PPM1H: variants seen among roughly 807,000 people sequenced by gnomAD.
The protein encoded by PPM1H is protein phosphatase, Mg2+/Mn2+ dependent 1H.
A neutral mutation model predicts 54.9 loss-of-function variants in PPM1H; 27 were observed. The observed-to-expected ratio is 0.49, with a 90% CI of 0.36 to 0.68. PPM1H has a LOEUF of 0.68. Among genes scored for constraint, PPM1H ranks in the 30% least tolerant of loss-of-function variants. The pLI is 0.00. For missense variants in PPM1H, 596 were observed against 667.8 expected, an observed-to-expected ratio of 0.89 and a Z score of 1.19; for synonymous variants, 305 against 270.8, an observed-to-expected ratio of 1.13 and a Z score of -1.24.
chr12:62,804,301 CCA>C (rs564319463), intron 2 of PPM1H, among the ~76,000 whole-genome samples: 157 of 148,304 alleles, frequency 1.1e-3, no homozygotes, highest in African/African-American at 3.6e-3. Flanking sequence ...CTGCAACAGG[CCA>C]AGATCTTGCC....
At chr12:62,746,974 C>T (rs1207171852) in intron 4 of PPM1H, among the ~76,000 whole-genome samples, 2 of 152,152 alleles carry the variant, frequency 1.3e-5, no homozygotes, top group Non-Finnish European at 2.9e-5. Context: ...TTTTTTGAGA[C>T]AGGATCTCGT....
chr12:62,752,491 C>G (rs941391080), intron 4 of PPM1H, among the ~76,000 whole-genome samples: 3 of 152,216 alleles, frequency 2.0e-5, no homozygotes, highest in African/African-American at 7.2e-5. Context: ...ATCCCCCCAA[C>G]ATTCCACAGA....
intron 2 of PPM1H, among the ~76,000 whole-genome samples, chr12:62,817,846 C>A (rs1256732809): frequency 6.6e-6 from 1 of 152,160 alleles, no homozygotes; most frequent in Admixed American, 6.5e-5. Context: ...ACAGTGCTGC[C>A]CCGTCCTCTG....
intron 6 of PPM1H, among the ~76,000 whole-genome samples, chr12:62,702,864 G>A (rs192511905): frequency 6.6e-6 from 1 of 152,248 alleles, no homozygotes; most frequent in East Asian, 1.9e-4. Context: ...GCCCACTGTG[G>A]TATTAAAGCA....
chr12:62,767,640 T>C (rs764486726), intron 4 of PPM1H, among the ~76,000 whole-genome samples: 4 of 152,148 alleles, frequency 2.6e-5, no homozygotes, highest in Non-Finnish European at 4.4e-5. Context: ...GTGAGGATGG[T>C]ATGTGTGGCA....
chr12:62,684,266 G>A (rs1251327994), intron 8 of PPM1H, among the ~76,000 whole-genome samples: 4 of 152,148 alleles, frequency 2.6e-5, no homozygotes, highest in Non-Finnish European at 5.9e-5. Context: ...GACTGGTGGT[G>A]AGGGCCTCTC....
intron 1 of PPM1H, among the ~76,000 whole-genome samples, chr12:62,915,892 G>T (rs758203879): frequency 4.6e-5 from 7 of 152,090 alleles, no homozygotes; most frequent in African/African-American, 1.7e-4. Flanking sequence ...CTTTCAAACC[G>T]TCATGACCTT....
At chr12:62,717,772 T>A (rs974424764) in intron 6 of PPM1H, among the ~76,000 whole-genome samples, 1 of 152,178 alleles carries the variant, frequency 6.6e-6, no homozygotes, top group African/African-American at 2.4e-5. Context: ...AAAGAGAGGT[T>A]TGAGTGGAAC....
chr12:62,904,043 C>T (rs975468617), intron 1 of PPM1H, among the ~76,000 whole-genome samples: 6 of 151,994 alleles, frequency 3.9e-5, no homozygotes, highest in African/African-American at 9.7e-5. Context: ...AATACGAAGT[C>T]GAAATGGTTA....
At chr12:62,696,504 C>T (rs2076115561) in intron 6 of PPM1H, among the ~76,000 whole-genome samples, 1 of 152,204 alleles carries the variant, frequency 6.6e-6, no homozygotes, top group Non-Finnish European at 1.5e-5. Flanking sequence ...CCCCCTCCAT[C>T]TTTCTGAATC....
intron 8 of PPM1H, among the ~76,000 whole-genome samples, chr12:62,681,069 G>C (rs1377009656): frequency 6.6e-6 from 1 of 152,122 alleles, no homozygotes; most frequent in East Asian, 1.9e-4. Flanking sequence ...CTAGAGGAGA[G>C]GAATGAGAAC....
intron 1 of PPM1H, among the ~76,000 whole-genome samples, chr12:62,895,352 C>G (rs1870948447): frequency 6.6e-6 from 1 of 152,090 alleles, no homozygotes; most frequent in Non-Finnish European, 1.5e-5. Flanking sequence ...AAAGATGACC[C>G]TAAATGGACA....
chr12:62,850,340 A>G (rs754038228), intron 1 of PPM1H, among the ~76,000 whole-genome samples: 9 of 152,124 alleles, frequency 5.9e-5, no homozygotes, highest in Non-Finnish European at 1.2e-4. Flanking sequence ...GTAGTTAAAG[A>G]TTTACTGATA....
intron 3 of PPM1H, among the ~76,000 whole-genome samples, chr12:62,790,144 G>A (rs533313803): frequency 1.3e-5 from 2 of 152,338 alleles, no homozygotes; most frequent in South Asian, 4.1e-4. Context: ...CATGGAAAAG[G>A]GGGAGAGAAG....
intron 1 of PPM1H, among the ~76,000 whole-genome samples, chr12:62,888,655 C>T (rs969335133): frequency 3.3e-5 from 5 of 152,172 alleles, no homozygotes; most frequent in South Asian, 2.1e-4. Flanking sequence ...TTTTGTAACA[C>T]GGAAGTCACT....
chr12:62,712,948 C>T (rs2076215257), intron 6 of PPM1H, among the ~76,000 whole-genome samples: 1 of 152,182 alleles, frequency 6.6e-6, no homozygotes, highest in Non-Finnish European at 1.5e-5. Context: ...CTGGAGTTGG[C>T]TTCATAAGCA....
intron 8 of PPM1H, among the ~76,000 whole-genome samples, chr12:62,676,814 T>C (rs1295489023): frequency 6.6e-6 from 1 of 151,830 alleles, no homozygotes; most frequent in East Asian, 1.9e-4. Flanking sequence ...GTGGATGACA[T>C]GTCGATGGCA....
chr12:62,670,018 C>A (rs551108916), intron 8 of PPM1H, among the ~76,000 whole-genome samples: 2 of 84,864 alleles, frequency 2.4e-5, no homozygotes, highest in South Asian at 9.0e-4. Flanking sequence ...GCTCTTGTTG[C>A]CCAGGCTGGA....
At chr12:62,652,945 GTCTTTGGATT>G (rs2075823969) in intron 9 of PPM1H, among the ~76,000 whole-genome samples, 1 of 152,074 alleles carries the variant, frequency 6.6e-6, no homozygotes, top group Non-Finnish European at 1.5e-5. Context: ...AGCTCACCTA[GTCTTTGGATT>G]AAGAAAATCT....
Sources: allele counts gnomAD v4.1 joint callset (sites outside exome capture counted in the v4.1 genomes callset), GRCh38; gene constraint gnomAD v4.1.1; transcripts MANE v1.5; gene names NCBI Gene and HGNC (gene_info 2026-07-23, HGNC 2026-07-21).